Variants in ZNF268 observed in about 807,000 individuals in gnomAD.
ZNF268 encodes zinc finger protein 268.
In ZNF268, 20 loss-of-function variants were observed where a neutral mutation model predicts 29.3. The observed-to-expected ratio is 0.68, with a 90% CI of 0.48 to 0.99. The LOEUF (loss-of-function observed/expected upper bound fraction) is 0.99. ZNF268 is among the 50% of genes least tolerant of loss of function. The pLI is 0.00. For missense variants in ZNF268, 1,240 were observed against 1,121.6 expected (o/e 1.11, Z -1.51); for synonymous variants, 429 against 376.9 (o/e 1.14, Z -1.60).
At chr12:133,187,844 T>G (rs771362339) in intron 2 of ZNF268, 28 bp from the exon 3 acceptor site, 2 of 1,559,978 alleles carry the variant, frequency 1.3e-6, no homozygotes, top group East Asian at 2.4e-5. Flanking sequence ...TAATGCTCGC[T>G]AAAGTAAATT....
At chr12:133,191,390 T>A in intron 3 of ZNF268, 99 bp from the exon 4 acceptor site, 1 of 1,407,030 alleles carries the variant, frequency 7.1e-7, no homozygotes, top group Admixed American at 2.0e-5. Flanking sequence ...CAATTTTTGT[T>A]CTCACAAAGT....
rs764672650 is a variant in ZNF268, at chr12:133,191,929, A to G, written c.383A>G (p.Asp128Gly). 1.2e-6 allele frequency: 2 copies of G among 1,614,080 alleles called. No homozygotes were observed. The highest frequency in any genetic ancestry group is 1.7e-6 in the Non-Finnish European group (2 of 1,179,986). Residue 128 changes from aspartate (D) to glycine (G), a missense_variant, in exon 5 of 6, where the codon GAT becomes GGT. Asp to Gly is a moderately conservative substitution (Grantham distance 94, BLOSUM62 -1). Coordinates refer to ENST00000536435, the MANE Select transcript of ZNF268 (RefSeq NM_003415.3). ...VSLGYQHTKP[D>G]IIFKLEQGEE... ...ATAGGGTACCAACACACCAAACCTG[A>G]TATCATCTTCAAGTTGGAACAAGGA...
chr12:133,203,180 A>C lies in ZNF268; in HGVS notation c.1494A>C (p.Lys498Asn), dbSNP rs779578458. The part of the protein sequence containing the change: ...IVHQRSHTGM[K>N]PYVCNECGKA... ...ATCAGAGAAGTCACACAGGAATGAA[A>C]CCTTATGTATGCAATGAATGTGGCA... Residue 498 changes from lysine to asparagine, a missense_variant, in exon 6 of 6, where the codon AAA becomes AAC. Lys to Asn is a moderately conservative substitution (Grantham distance 94). Transcript: ENST00000536435. 2.9e-5 allele frequency: 45 copies of C among 1,537,804 alleles called. No individual in the cohort carries two copies. Among genetic ancestry groups the C allele is most frequent in the Non-Finnish European group, 3.8e-5 (44 of 1,146,830 alleles).
chr12:133,206,651 C>G lies in ZNF268; in HGVS notation c.*2121C>G, dbSNP rs1170843601. 6.6e-6 allele frequency: 1 copy of G among 152,144 alleles called. No individual in the cohort carries two copies. The highest frequency in any genetic ancestry group is 1.5e-5 in the Non-Finnish European group (1 of 68,038). 9.4% of individuals were successfully genotyped at this position (152,144 alleles called of 1,614,324 possible). The stretch of plus-strand genomic sequence containing the variant: ...TCTGAAACACCTTCTGCTTTGTACT[C>G]TATTAGATACCCAAAGAAATTTTCA... On this transcript the variant is annotated 3_prime_UTR_variant, in exon 6 of 6. Coordinates refer to ENST00000536435, the MANE Select transcript of ZNF268 (RefSeq NM_003415.3).
intron 5 of ZNF268, among the ~76,000 whole-genome samples, chr12:133,198,085 T>C (rs1334990433): frequency 6.6e-6 from 1 of 151,998 alleles, no homozygotes; most frequent in Non-Finnish European, 1.5e-5. Flanking sequence ...TTGCTTTTGC[T>C]GTTCTAGACA....
intron 5 of ZNF268, among the ~76,000 whole-genome samples, chr12:133,198,361 T>G (rs1427730989): frequency 6.6e-6 from 1 of 150,568 alleles, no homozygotes; most frequent in African/African-American, 2.5e-5. Flanking sequence ...GCGGCATTAT[T>G]TCTGAGGGCT....
chr12:133,203,923 A>T lies in ZNF268; in HGVS notation c.2237A>T (p.His746Leu). 6.3e-7 allele frequency: 1 copy of T among 1,590,176 alleles called. No individual in the cohort carries two copies. The highest frequency in any genetic ancestry group is 8.5e-7 in the Non-Finnish European group (1 of 1,170,392). ...NSQLIVHQRI[H>L]TGENPYECSE... ...CAACTCATTGTGCATCAGAGAATTC[A>T]CACAGGAGAAAATCCCTATGAATGC... is the stretch of plus-strand genomic sequence containing the variant. Residue 746 changes from histidine to leucine, a missense_variant, in exon 6 of 6, where the codon CAC becomes CTC. His to Leu is a moderately conservative substitution (Grantham distance 99). Coordinates refer to ENST00000536435, the MANE Select transcript of ZNF268 (RefSeq NM_003415.3).
rs559733856 is a variant in ZNF268, at chr12:133,203,333, T to C, written c.1647T>C (p.Ile549=). The change falls in exon 6 of 6, where the codon ATT becomes ATC. Residue 549 remains isoleucine, a synonymous_variant. Coordinates refer to ENST00000536435, the MANE Select transcript of ZNF268 (RefSeq NM_003415.3). ...CACAGCTCATTATACATCAGAGGAT[T>C]CATACAGGAGAGAACCCCTATGAAT... ...FKSQLIIHQR[I]HTGENPYECH... 1.7e-5 allele frequency: 26 copies of C among 1,546,266 alleles called. No individual in the cohort carries two copies. Among genetic ancestry groups the C allele is most frequent in the Non-Finnish European group, 2.2e-5 (25 of 1,150,296 alleles).
rs538138072 is a variant in ZNF268, at chr12:133,211,208, T to TACAA, written c.*6679_*6680insCAAA. 176 of 276,022 alleles carry TACAA rather than the reference T, an allele frequency of 6.4e-4. 2 individuals are homozygous for TACAA. Among genetic ancestry groups the TACAA allele is most frequent in the African/African-American group, 5.1e-3 (170 of 33,524 alleles). 17.1% of individuals were successfully genotyped at this position (276,022 alleles called of 1,614,324 possible). On this transcript the variant is annotated 3_prime_UTR_variant, in exon 6 of 6. Coordinates refer to ENST00000536435, the MANE Select transcript of ZNF268 (RefSeq NM_003415.3). ...TGAAAAAGTGTTTGTATGCAAAATA[T>TACAA]AAAAAAAAAACCCTAAAATTGAACA...
At chr12:133,181,886 C>T (rs1447835419) in intron 1 of ZNF268, 60 bp from the exon 2 acceptor site, 3 of 1,193,826 alleles carry the variant, frequency 2.5e-6, no homozygotes, top group Non-Finnish European at 3.6e-6. Context: ...CTCGGACCCT[C>T]CCCCTCTGGG....
At position 133,211,071 on chromosome 12, in the gene ZNF268, A is replaced by T. The variant is rs1341434469; in HGVS notation, c.*6541A>T. The stretch of plus-strand genomic sequence containing the variant: ...GCCTTAATTGGAATGGATAGAGATA[A>T]TAAAAGGCAAAGTAGATGGCCATAG... On this transcript the variant is annotated 3_prime_UTR_variant, in exon 6 of 6. Coordinates refer to ENST00000536435, the MANE Select transcript of ZNF268 (RefSeq NM_003415.3). 2.2e-6 allele frequency: 1 copy of T among 453,560 alleles called. No homozygotes were observed. Among genetic ancestry groups the T allele is most frequent in the African/African-American group, 2.0e-5 (1 of 50,130 alleles). The allele number at this position is 453,560 out of a possible 1,614,324, so 28.1% of individuals were successfully genotyped here. A position where few individuals can be genotyped will look rare whatever the true frequency, so the allele number is the denominator to read the frequency against.
chr12:133,185,145 A>G (rs1338214798), intron 2 of ZNF268, among the ~76,000 whole-genome samples: 1 of 150,094 alleles, frequency 6.7e-6, no homozygotes, highest in Non-Finnish European at 1.5e-5. Context: ...AGATCACGCC[A>G]CTGCACTCCA....
At chr12:133,199,924 T>TTTCTTC (rs1956709546) in intron 5 of ZNF268, among the ~76,000 whole-genome samples, 1 of 147,868 alleles carries the variant, frequency 6.8e-6, no homozygotes, top group Non-Finnish European at 1.5e-5. Context: ...ATTCTTCTCT[T>TTTCTTC]TTTATTAGTC....
intron 5 of ZNF268, among the ~76,000 whole-genome samples, chr12:133,201,774 C>G (rs1436310410): frequency 6.6e-6 from 1 of 152,080 alleles, no homozygotes; most frequent in Non-Finnish European, 1.5e-5. Context: ...TTGAATAAAT[C>G]TAATGTTCAT....
chr12:133,182,154 G>A, intron 2 of ZNF268, 124 bp downstream of exon 2: 1 of 894,032 alleles, frequency 1.1e-6, no homozygotes, highest in Non-Finnish European at 1.7e-6. Context: ...TAGGCAACTG[G>A]ATCGTCATTT....
rs11147287 is a variant in ZNF268 at position 133,189,068 on chromosome 12, G to T, written c.234+996G>T. Among the ~76,000 whole-genome samples the T allele has an allele frequency of 6.4e-3, 976 of 152,080 alleles. 8 individuals carry two copies. The highest frequency in any genetic ancestry group is 0.019 in the South Asian group (92 of 4,818). ...ATTGAGTTCAAATCCATGAACACAG[G>T]ATTCCCCCATTATTTAGATCTTTGA... On this transcript the variant is annotated intron_variant, in intron 3 of 5. Coordinates refer to ENST00000536435, the MANE Select transcript of ZNF268 (RefSeq NM_003415.3).
chr12:133,203,781 A>G lies in ZNF268; in HGVS notation c.2095A>G (p.Ser699Gly). 6.4e-7 allele frequency: 1 copy of G among 1,564,708 alleles called. No homozygotes were observed. Among genetic ancestry groups the G allele is most frequent in the Non-Finnish European group, 8.6e-7 (1 of 1,161,642 alleles). The change falls in exon 6 of 6, where the codon AGT becomes GGT. Residue 699 changes from serine (S) to glycine (G), a missense_variant. Ser to Gly is a moderately conservative substitution (Grantham distance 56). This residue lies in a region of ZNF268 where 1,177 missense variants were observed against 1,039.6 expected (regional missense o/e 1.13). Transcript: ENST00000536435. ...SHTGVKPYGC[S>G]ECGKAFRSKS... ...CACAGGAGTAAAACCATATGGATGC[A>G]GTGAGTGTGGGAAAGCCTTCAGGAG... is the stretch of plus-strand genomic sequence containing the variant.
rs565059550 is a variant in ZNF268 at position 133,212,445 on chromosome 12, T to TTATATATATATATA, written c.*7955_*7968dup. The TTATATATATATATA allele has an allele frequency of 1.3e-4, 16 of 118,564 alleles. No homozygotes were observed. The highest frequency in any genetic ancestry group is 2.5e-4 in the Admixed American group (3 of 11,812). The allele number at this position is 118,564 out of a possible 1,614,324, so 7.3% of individuals were successfully genotyped here. On this transcript the variant is annotated 3_prime_UTR_variant, in exon 6 of 6. Coordinates refer to ENST00000536435, the MANE Select transcript of ZNF268 (RefSeq NM_003415.3). ...CCAAGGGAGACTTTCATGTGTGATT[T>TTATATATATATATA]TATATATATATATATATATATATAT...
At chr12:133,187,427 A>G (rs1279209138) in intron 2 of ZNF268, among the ~76,000 whole-genome samples, 1 of 151,922 alleles carries the variant, frequency 6.6e-6, no homozygotes, top group Non-Finnish European at 1.5e-5. Context: ...ATTTTGAAAT[A>G]TTATGTTACA....
Sources: gnomAD v4.1 joint callset for allele counts (sites outside exome capture counted in the v4.1 genomes callset) on GRCh38, gnomAD v4.1.1 for gene constraint, gnomAD v4.1.1 regional missense constraint, MANE v1.5 for transcripts, NCBI Gene and HGNC (gene_info 2026-07-23, HGNC 2026-07-21) for gene names.